The following AIG1 variants were observed in gnomAD, a reference collection of about 807,000 sequenced individuals.
AIG1 encodes the protein androgen induced 1, also known as androgen-induced gene 1 protein.
Under a neutral mutation model 31.4 loss-of-function variants are expected in AIG1, and 23 were observed. That is an observed-to-expected ratio of 0.73 (90% CI 0.53 to 1.04). The LOEUF (loss-of-function observed/expected upper bound fraction) is 1.04. AIG1 is among the 50% of genes least tolerant of loss of function. The pLI, the probability that AIG1 is intolerant of heterozygous loss-of-function variation, is 0.00. For missense variants in AIG1, 274 were observed against 295.0 expected (o/e 0.93, Z 0.52); for synonymous variants, 100 against 110.5 (o/e 0.90, Z 0.60).
At chr6:143,296,711 A>G (rs1798450154) in intron 4 of AIG1, among the ~76,000 whole-genome samples, 1 of 152,238 alleles carries the variant, frequency 6.6e-6, no homozygotes, top group South Asian at 2.1e-4. Context: ...ATAGCCTAAA[A>G]GACCATTTGC....
intron 3 of AIG1, among the ~76,000 whole-genome samples, chr6:143,206,786 A>G (rs1314072789): frequency 6.6e-6 from 1 of 152,194 alleles, no homozygotes; most frequent in East Asian, 1.9e-4. Context: ...TAATTATGAG[A>G]TCATTAAGTT....
intron 2 of AIG1, among the ~76,000 whole-genome samples, chr6:143,156,880 T>C (rs1304499898): frequency 6.6e-6 from 1 of 152,220 alleles, no homozygotes; most frequent in Non-Finnish European, 1.5e-5. Context: ...CTTGGGCTAG[T>C]CCATTCCCTG....
chr6:143,246,093 T>G (rs1794604361), intron 3 of AIG1, among the ~76,000 whole-genome samples: 2 of 152,210 alleles, frequency 1.3e-5, no homozygotes, highest in East Asian at 1.9e-4. Flanking sequence ...AAAGCCATCC[T>G]GGGCTGCAGG....
At chr6:143,199,941 G>A (rs989520792) in intron 3 of AIG1, among the ~76,000 whole-genome samples, 2 of 152,196 alleles carry the variant, frequency 1.3e-5, no homozygotes, top group African/African-American at 2.4e-5. Context: ...ACAGATGGAA[G>A]TGGTGGGGAG....
intron 3 of AIG1, among the ~76,000 whole-genome samples, chr6:143,247,746 C>T (rs1794714262): frequency 6.6e-6 from 1 of 152,156 alleles, no homozygotes; most frequent in Non-Finnish European, 1.5e-5. Context: ...GTGAGAGAGC[C>T]AGGATTCTAA....
chr6:143,150,618 G>GA (rs1785127200), intron 2 of AIG1, among the ~76,000 whole-genome samples: 1 of 152,112 alleles, frequency 6.6e-6, no homozygotes, highest in Non-Finnish European at 1.5e-5. Context: ...CCTATCGCAA[G>GA]AAAATGCCTG....
chr6:143,240,934 C>G (rs1794196143), intron 3 of AIG1, among the ~76,000 whole-genome samples: 1 of 152,108 alleles, frequency 6.6e-6, no homozygotes, highest in African/African-American at 2.4e-5. Context: ...GAGTTAGTTA[C>G]TCCTCAGATG....
intron 3 of AIG1, among the ~76,000 whole-genome samples, chr6:143,254,872 T>C (rs961404057): frequency 2.0e-5 from 3 of 152,054 alleles, no homozygotes; most frequent in African/African-American, 7.3e-5. Context: ...GTAGTAATAA[T>C]TAGCCAGGCA....
intron 3 of AIG1, among the ~76,000 whole-genome samples, chr6:143,195,857 G>C (rs1167537569): frequency 6.6e-6 from 1 of 152,176 alleles, no homozygotes; most frequent in Admixed American, 6.5e-5. Context: ...AAGAAAAGAG[G>C]AGCCTTGCCT....
At chr6:143,128,541 A>T (rs1352930672) in intron 1 of AIG1, among the ~76,000 whole-genome samples, 1 of 152,226 alleles carries the variant, frequency 6.6e-6, no homozygotes, top group African/African-American at 2.4e-5. Flanking sequence ...GATGGTGTAT[A>T]TGTGTGTCAT....
At chr6:143,249,817 T>C (rs559433026) in intron 3 of AIG1, among the ~76,000 whole-genome samples, 6 of 152,304 alleles carry the variant, frequency 3.9e-5, no homozygotes, top group African/African-American at 1.2e-4. Flanking sequence ...AAGAATGTGA[T>C]TGGGGTCACC....
Position 143,148,562 on chromosome 6 carries a change from A to T in AIG1, c.297+11572A>T, listed in dbSNP as rs537488689. 4.6e-5 allele frequency among the ~76,000 whole-genome samples: 7 copies of T among 152,130 alleles called. No individual in the cohort carries two copies. The South Asian group carries it at 1.5e-3, about 32-fold the overall frequency. ...TATTAGGGGCCAGATGTGGTGGCTCATGCTTGTAATCTCAGTGCTTTGGGA... is the reference window on the plus strand; with the variant it reads ...TATTAGGGGCCAGATGTGGTGGCTCTTGCTTGTAATCTCAGTGCTTTGGGA... On this transcript the variant is annotated intron_variant, in intron 2 of 5. Coordinates refer to ENST00000357847, the MANE Select transcript of AIG1 (RefSeq NM_016108.4).
At chr6:143,074,907 A>C (rs1777599707) in intron 1 of AIG1, among the ~76,000 whole-genome samples, 1 of 152,186 alleles carries the variant, frequency 6.6e-6, no homozygotes, top group East Asian at 1.9e-4. Flanking sequence ...GATTAAGCAA[A>C]ATTAGTGTTA....
chr6:143,206,721 T>C (rs2217798), intron 3 of AIG1, among the ~76,000 whole-genome samples: 365 of 152,272 alleles, frequency 2.4e-3, no homozygotes, highest in Non-Finnish European at 4.5e-3. Flanking sequence ...TAAAGAAAGT[T>C]TTTCTGTAAC....
At chr6:143,081,890 A>C (rs1426080956) in intron 1 of AIG1, among the ~76,000 whole-genome samples, 1 of 152,076 alleles carries the variant, frequency 6.6e-6, no homozygotes, top group East Asian at 1.9e-4. Context: ...AAGCATTTCT[A>C]ATGGAGAGTC....
intron 1 of AIG1, among the ~76,000 whole-genome samples, chr6:143,089,320 G>C: frequency 6.6e-6 from 1 of 151,302 alleles, no homozygotes; most frequent in East Asian, 2.1e-4. Context: ...GAATATATTA[G>C]ACTTTATAAT....
intron 4 of AIG1, among the ~76,000 whole-genome samples, chr6:143,317,498 G>T (rs1478459434): frequency 1.3e-5 from 2 of 151,880 alleles, no homozygotes; most frequent in Non-Finnish European, 2.9e-5. Context: ...CATTGAAGGG[G>T]CATACCTTAA....
chr6:143,062,121 T>C (rs1377157704), intron 1 of AIG1, among the ~76,000 whole-genome samples: 1 of 152,188 alleles, frequency 6.6e-6, no homozygotes, highest in Non-Finnish European at 1.5e-5. Flanking sequence ...GAGAACATGA[T>C]ACCTGTTTTA....
chr6:143,234,328 A>G (rs1357607685), intron 3 of AIG1, among the ~76,000 whole-genome samples: 1 of 152,252 alleles, frequency 6.6e-6, no homozygotes, highest in Admixed American at 6.5e-5. Flanking sequence ...TTGCTCAGGA[A>G]AATTGCAACA....
Sources: gnomAD v4.1 joint callset for allele counts (sites outside exome capture counted in the v4.1 genomes callset) on GRCh38, gnomAD v4.1.1 for gene constraint, MANE v1.5 for transcripts, NCBI Gene and HGNC (gene_info 2026-07-23, HGNC 2026-07-21) for gene names.